The following UBR1 variants were observed in gnomAD, a reference collection of about 807,000 sequenced individuals.
The protein encoded by UBR1 is ubiquitin protein ligase E3 component n-recognin 1.
In UBR1, 102 loss-of-function variants were observed where a neutral mutation model predicts 242.1. The ratio of observed to expected loss-of-function variants is 0.42; its 90% CI spans 0.36 to 0.50. The LOEUF (loss-of-function observed/expected upper bound fraction) is 0.50, where lower values mean the gene tolerates loss of function less well. Ranked by LOEUF, UBR1 falls within the 20% of genes least tolerant of loss-of-function variation. The pLI, the probability that UBR1 is intolerant of heterozygous loss-of-function variation, is 0.01. For synonymous variants in UBR1, 675 were observed against 684.8 expected (o/e 0.99, Z 0.22); for missense variants, 1,772 against 2,101.8 (o/e 0.84, Z 3.07).
chr15:42,951,326 G>C (rs914730283), intron 45 of UBR1, among the ~76,000 whole-genome samples: 1 of 152,042 alleles, frequency 6.6e-6, no homozygotes, highest in Non-Finnish European at 1.5e-5. Flanking sequence ...AGGTTCAAGC[G>C]AATTCTCCTG....
intron 1 of UBR1, among the ~76,000 whole-genome samples, chr15:43,096,534 T>C (rs2034164063): frequency 6.6e-6 from 1 of 152,210 alleles, no homozygotes; most frequent in Non-Finnish European, 1.5e-5. Flanking sequence ...GATTTCTCTG[T>C]AGCATGTGAT....
intron 3 of UBR1, among the ~76,000 whole-genome samples, chr15:43,080,859 G>A (rs1164001805): frequency 1.3e-5 from 2 of 152,090 alleles, no homozygotes; most frequent in African/African-American, 4.8e-5. Context: ...GCTGAGGCAA[G>A]AGAAATGCAT....
chr15:43,068,063 G>GTT, intron 5 of UBR1, 27 bp from the exon 6 acceptor site: 2 of 1,410,014 alleles, frequency 1.4e-6, no homozygotes, highest in Non-Finnish European at 1.9e-6. Flanking sequence ...ATATATATTT[G>GTT]GATACTACAA....
chr15:42,945,212 T>A lies in UBR1; in HGVS notation c.*117A>T. On this transcript the variant is annotated 3_prime_UTR_variant, in exon 47 of 47. Coordinates refer to ENST00000290650, the MANE Select transcript of UBR1 (RefSeq NM_174916.3). ...AATATTTTATTGATGTAAGTGAACC[T>A]GGACATGGAGCAAAAGACCCTCCAA... 1 of 1,389,078 alleles carries A rather than the reference T, an allele frequency of 7.2e-7. No homozygotes were observed. The allele number at this position is 1,389,078 out of a possible 1,614,324, so 86.0% of individuals were successfully genotyped here. A position where few individuals can be genotyped will look rare whatever the true frequency, so the allele number is the denominator to read the frequency against.
intron 26 of UBR1, among the ~76,000 whole-genome samples, chr15:43,022,061 A>G (rs1452983082): frequency 9.2e-5 from 14 of 152,134 alleles, no homozygotes; most frequent in Admixed American, 6.5e-4. Flanking sequence ...AAAATTGCCA[A>G]AAATATTGAA....
intron 2 of UBR1, among the ~76,000 whole-genome samples, chr15:43,085,525 A>G (rs764612791): frequency 4.6e-5 from 7 of 150,622 alleles, no homozygotes; most frequent in African/African-American, 7.3e-5. Context: ...TAATAAGATT[A>G]AATGTATTAT....
At chr15:42,991,145 G>A (rs1034427118) in intron 33 of UBR1, among the ~76,000 whole-genome samples, 7 of 151,662 alleles carry the variant, frequency 4.6e-5, no homozygotes, top group Non-Finnish European at 1.0e-4. Context: ...GCGTGGTGGC[G>A]GGTGCCTGTA....
intron 44 of UBR1, among the ~76,000 whole-genome samples, chr15:42,952,817 C>T (rs1019820971): frequency 1.3e-5 from 2 of 152,142 alleles, no homozygotes; most frequent in African/African-American, 4.8e-5. Context: ...GTTAGTCAAG[C>T]TTGTGTCTTC....
In UBR1 at chr15:42,960,780, T is replaced by A. The variant is rs968822350; in HGVS notation, c.4701-79A>T. 4.1e-6 allele frequency: 6 copies of A among 1,467,182 alleles called. No homozygotes were observed. The Admixed American group carries it at 1.0e-4, about 26-fold the overall frequency. 90.9% of individuals were successfully genotyped at this position (1,467,182 alleles called of 1,614,324 possible). A position where few individuals can be genotyped will look rare whatever the true frequency, so the allele number is the denominator to read the frequency against. On this transcript the variant is annotated intron_variant, in intron 42 of 46. Transcript: ENST00000290650. Reference sequence around the variant, plus strand: ...GATTTGTCAACAAGCCATTCTCTTTTTTTTTTGAGATGGATTCTCACTCTT... The same window carrying A: ...GATTTGTCAACAAGCCATTCTCTTTATTTTTTGAGATGGATTCTCACTCTT...
At chr15:43,072,659 G>A (rs1353608541) in intron 4 of UBR1, among the ~76,000 whole-genome samples, 2 of 152,196 alleles carry the variant, frequency 1.3e-5, no homozygotes, top group East Asian at 3.8e-4. Context: ...TTAACTGTGA[G>A]TTTCTCATAG....
chr15:43,023,356 T>G (rs1350815466), intron 25 of UBR1, among the ~76,000 whole-genome samples: 1 of 150,632 alleles, frequency 6.6e-6, no homozygotes, highest in African/African-American at 2.4e-5. Flanking sequence ...CTTTCGGAGG[T>G]TTGGGTGGGT....
At position 43,085,839 on chromosome 15, in the gene UBR1, C is replaced by A. The variant is rs575180363; in HGVS notation, c.338+145G>T. The stretch of plus-strand genomic sequence containing the variant: ...GCTGAGGCAGGAGAATTGCTTGAAC[C>A]TGGGAGGCAGAGGTTGCAGTGACGT... On this transcript the variant is annotated intron_variant, in intron 2 of 46. Coordinates refer to ENST00000290650, the MANE Select transcript of UBR1 (RefSeq NM_174916.3). The A allele has an allele frequency of 5.7e-6, 5 of 873,202 alleles. No individual in the cohort carries two copies. In the East Asian group the frequency reaches 1.4e-4, roughly 24 times the overall value. 54.1% of individuals were successfully genotyped at this position (873,202 alleles called of 1,614,324 possible). A position where few individuals can be genotyped will look rare whatever the true frequency, so the allele number is the denominator to read the frequency against.
chr15:43,072,806 T>C (rs953565970), intron 4 of UBR1, among the ~76,000 whole-genome samples: 9 of 152,204 alleles, frequency 5.9e-5, no homozygotes, highest in Non-Finnish European at 5.9e-5. Context: ...ATTTATATGG[T>C]GTATTACATT....
chr15:43,023,705 T>C (rs544151974), intron 25 of UBR1, among the ~76,000 whole-genome samples: 1 of 150,380 alleles, frequency 6.6e-6, no homozygotes, highest in African/African-American at 2.5e-5. Context: ...AAAATTTTGG[T>C]GTTTAGTAAA....
At chr15:43,047,086 G>T in intron 14 of UBR1, 75 bp downstream of exon 14, 1 of 1,543,846 alleles carries the variant, frequency 6.5e-7, no homozygotes, top group Non-Finnish European at 8.9e-7. Flanking sequence ...CAAGGAAGCT[G>T]CAACATAAAA....
At chr15:43,090,915 T>A (rs2034098230) in intron 1 of UBR1, among the ~76,000 whole-genome samples, 1 of 152,068 alleles carries the variant, frequency 6.6e-6, no homozygotes, top group African/African-American at 2.4e-5. Flanking sequence ...AACATAAATA[T>A]ACAGTTTTTA....
chr15:43,005,511 T>TG (rs1395816515), intron 30 of UBR1, among the ~76,000 whole-genome samples: 21 of 148,588 alleles, frequency 1.4e-4, no homozygotes, highest in Admixed American at 6.0e-4. Flanking sequence ...GTCTGGGAGG[T>TG]GGGGGGGCGC....
intron 18 of UBR1, 75 bp downstream of exon 18, chr15:43,036,453 A>G (rs1052052097): frequency 7.7e-7 from 1 of 1,298,048 alleles, no homozygotes; most frequent in Non-Finnish European, 1.1e-6. Context: ...AAATTATTAC[A>G]TTATCTTCTC....
intron 15 of UBR1, 57 bp from the exon 16 acceptor site, chr15:43,038,289 T>C: frequency 6.5e-7 from 1 of 1,539,558 alleles, no homozygotes. Context: ...TGTTAACTAG[T>C]TAACTCATCA....
Sources: allele counts gnomAD v4.1 joint callset (sites outside exome capture counted in the v4.1 genomes callset), GRCh38; gene constraint gnomAD v4.1.1; transcripts MANE v1.5; gene names NCBI Gene and HGNC (gene_info 2026-07-23, HGNC 2026-07-21).